Variants in USP24 observed in about 807,000 individuals in gnomAD.
The protein encoded by USP24 is ubiquitin carboxyl-terminal hydrolase 24.
USP24 carries 97 observed loss-of-function variants against 361.6 expected under a neutral mutation model. That is an observed-to-expected ratio of 0.27 (90% CI 0.23 to 0.32). USP24 has a LOEUF of 0.32. Ranked by LOEUF, USP24 falls within the 10% of genes least tolerant of loss-of-function variation. The pLI is 1.00. For synonymous variants in USP24, 1,098 were observed against 1,124.6 expected (o/e 0.98, Z 0.47); for missense variants, 2,353 against 3,165.6 (o/e 0.74, Z 6.16).
At chr1:55,213,803 A>T (rs1644909039) in intron 1 of USP24, among the ~76,000 whole-genome samples, 3 of 151,892 alleles carry the variant, frequency 2.0e-5, no homozygotes, top group South Asian at 4.2e-4. Context: ...TCACACCCCA[A>T]ACTAAACAGG....
chr1:55,161,179 C>G (rs1255123892), intron 8 of USP24, among the ~76,000 whole-genome samples: 1 of 151,924 alleles, frequency 6.6e-6, no homozygotes, highest in Non-Finnish European at 1.5e-5. Context: ...TGAGACCAGC[C>G]TGGCCAGCAT....
chr1:55,138,885 G>C (rs1017898607), intron 25 of USP24, 59 bp downstream of exon 25: 44 of 1,544,990 alleles, frequency 2.8e-5, no homozygotes, highest in Non-Finnish European at 3.8e-5. Flanking sequence ...GGCTGAGGTG[G>C]GAAGATCGCT....
At chr1:55,100,352 C>T (rs891771637) in intron 44 of USP24, among the ~76,000 whole-genome samples, 5 of 152,028 alleles carry the variant, frequency 3.3e-5, no homozygotes, top group African/African-American at 1.2e-4. Context: ...CAAAATTAGC[C>T]GGGCATGGGG....
chr1:55,112,328 T>G (rs918863662), intron 38 of USP24, among the ~76,000 whole-genome samples: 5 of 152,206 alleles, frequency 3.3e-5, no homozygotes, highest in African/African-American at 1.2e-4. Context: ...TTTGAATTTG[T>G]TTGCTCTTGC....
Position 55,178,210 on chromosome 1 carries a change from G to A in USP24, c.325-78C>T, listed in dbSNP as rs532067532. 2.1e-6 allele frequency: 3 copies of A among 1,446,002 alleles called. No homozygotes were observed. The South Asian group carries it at 3.8e-5, about 18-fold the overall frequency. The allele number at this position is 1,446,002 out of a possible 1,614,324, so 89.6% of individuals were successfully genotyped here. Reference sequence around the variant, plus strand: ...CTAAAAATTTCCTATGTAACACAGAGCAGATACTGAATCAATGGTAGCTAT... The same window carrying A: ...CTAAAAATTTCCTATGTAACACAGAACAGATACTGAATCAATGGTAGCTAT... On this transcript the variant is annotated intron_variant, in intron 1 of 67. Coordinates refer to ENST00000294383, the MANE Select transcript of USP24 (RefSeq NM_015306.3).
chr1:55,211,892 A>G (rs1644854607), intron 1 of USP24, among the ~76,000 whole-genome samples: 1 of 152,258 alleles, frequency 6.6e-6, no homozygotes, highest in African/African-American at 2.4e-5. Context: ...AATGTATATA[A>G]TTTAAAATAA....
At chr1:55,146,144 G>C (rs781538216) in intron 19 of USP24, 35 bp from the exon 20 acceptor site, 11 of 1,504,458 alleles carry the variant, frequency 7.3e-6, no homozygotes, top group Non-Finnish European at 9.2e-6. Context: ...CTATAACTAA[G>C]ATCCATTTCA....
At chr1:55,211,878 T>C (rs898143310) in intron 1 of USP24, among the ~76,000 whole-genome samples, 3 of 152,236 alleles carry the variant, frequency 2.0e-5, no homozygotes, top group Admixed American at 6.5e-5. Context: ...GTGCAGCAAA[T>C]AGAAATGTAT....
chr1:55,155,317 C>T (rs532416324), intron 12 of USP24, among the ~76,000 whole-genome samples: 5 of 152,232 alleles, frequency 3.3e-5, no homozygotes, highest in Admixed American at 6.5e-5. Flanking sequence ...CACTTTATAA[C>T]GTCAATTATG....
At chr1:55,206,196 G>A (rs765197631) in intron 1 of USP24, among the ~76,000 whole-genome samples, 9 of 152,176 alleles carry the variant, frequency 5.9e-5, no homozygotes, top group African/African-American at 1.9e-4. Context: ...TGTGAGCCAG[G>A]AGTACTAAGG....
intron 54 of USP24, 24 bp downstream of exon 54, chr1:55,091,999 T>C (rs1645388104): frequency 6.5e-7 from 1 of 1,549,524 alleles, no homozygotes; most frequent in Non-Finnish European, 8.8e-7. Context: ...TCACAACAGA[T>C]TATCAAAACA....
intron 1 of USP24, among the ~76,000 whole-genome samples, chr1:55,197,988 G>GA (rs1345747270): frequency 6.6e-6 from 1 of 152,166 alleles, no homozygotes; most frequent in Admixed American, 6.5e-5. Context: ...TAATGTATGA[G>GA]AAAGTGTTGT....
chr1:55,069,421 C>T (rs766311555), intron 67 of USP24, among the ~76,000 whole-genome samples: 2 of 152,224 alleles, frequency 1.3e-5, no homozygotes, highest in Non-Finnish European at 2.9e-5. Context: ...CCATTGTGCC[C>T]GCTTCACGTT....
intron 66 of USP24, 25 bp from the exon 67 acceptor site, chr1:55,071,949 G>A (rs1265763456): frequency 6.3e-7 from 1 of 1,580,014 alleles, no homozygotes; most frequent in South Asian, 1.1e-5. Context: ...AACACAAGAC[G>A]ACAAAGTTAG....
Position 55,096,614 on chromosome 1 carries a change from C to T in USP24, c.5945G>A (p.Gly1982Glu), listed in dbSNP as rs765500214. ...ATTAAATTTATACCACTTTCCTTTTCCACACCCTCTAGAACCCAGAGATCA... is the reference window on the plus strand; with the variant it reads ...ATTAAATTTATACCACTTTCCTTTTTCACACCCTCTAGAACCCAGAGATCA... ...YSFIKDRRGC[G>E]KGKWYKFNDT... Residue 1982 changes from glycine to glutamate, a missense_variant, in exon 50 of 68, where the codon GGA becomes GAA. Physicochemically the swap from Gly to Glu is moderately conservative, Grantham distance 98. This residue lies in a region of USP24 where 598 missense variants were observed against 761.9 expected (regional missense o/e 0.78). Transcript: ENST00000294383. 3 of 1,610,190 alleles carry T rather than the reference C, an allele frequency of 1.9e-6. No homozygotes were observed. Among genetic ancestry groups the T allele is most frequent in the Non-Finnish European group, 2.5e-6 (3 of 1,178,896 alleles).
At chr1:55,125,908 A>G in intron 32 of USP24, 150 bp from the exon 33 acceptor site, 1 of 662,000 alleles carries the variant, frequency 1.5e-6, no homozygotes, top group Non-Finnish European at 2.5e-6. Context: ...CTATCATAAT[A>G]ATTTCCTATG....
At chr1:55,145,550 T>C (rs1647005603) in intron 20 of USP24, among the ~76,000 whole-genome samples, 1 of 152,166 alleles carries the variant, frequency 6.6e-6, no homozygotes, top group African/African-American at 2.4e-5. Flanking sequence ...TTTGGGGTAA[T>C]GAAAATGTTC....
At chr1:55,083,527 G>C (rs1283307437) in intron 57 of USP24, among the ~76,000 whole-genome samples, 163 bp from the exon 58 acceptor site, 1 of 152,028 alleles carries the variant, frequency 6.6e-6, no homozygotes, top group Non-Finnish European at 1.5e-5. Context: ...AAACTCCTGA[G>C]CCTCACATTG....
chr1:55,201,668 G>A (rs1644580274), intron 1 of USP24, among the ~76,000 whole-genome samples: 1 of 142,686 alleles, frequency 7.0e-6, no homozygotes, highest in East Asian at 2.1e-4. Flanking sequence ...CAATGCCAAT[G>A]CAATGAGATA....
Sources: allele counts gnomAD v4.1 joint callset (sites outside exome capture counted in the v4.1 genomes callset), GRCh38; gene constraint gnomAD v4.1.1; regional missense constraint gnomAD v4.1.1; transcripts MANE v1.5; gene names NCBI Gene and HGNC (gene_info 2026-07-23, HGNC 2026-07-21).